SLC22A4: variants seen among roughly 807,000 people sequenced by gnomAD.
SLC22A4 encodes ET transporter.
In SLC22A4, 39 loss-of-function variants were observed where a neutral mutation model predicts 56.6. The observed-to-expected ratio is 0.69, with a 90% CI of 0.53 to 0.90. SLC22A4 has a LOEUF of 0.90. SLC22A4 is among the 40% of genes least tolerant of loss of function. The pLI, the probability that SLC22A4 is intolerant of heterozygous loss-of-function variation, is 0.00. For missense variants in SLC22A4, 594 were observed against 696.5 expected (o/e 0.85, Z 1.66); for synonymous variants, 241 against 281.4 (o/e 0.86, Z 1.44).
intron 5 of SLC22A4, among the ~76,000 whole-genome samples, chr5:132,327,929 T>A (rs936059180): frequency 1.3e-5 from 2 of 152,162 alleles, no homozygotes; most frequent in Non-Finnish European, 2.9e-5. Context: ...AAAGCTGATA[T>A]TCTGTGGAAG....
intron 1 of SLC22A4, among the ~76,000 whole-genome samples, chr5:132,299,640 G>A (rs920967339): frequency 6.6e-6 from 1 of 152,004 alleles, no homozygotes; most frequent in Admixed American, 6.6e-5. Context: ...TTTTAGTAGA[G>A]ACAGGGTTTC....
Position 132,312,197 on chromosome 5 carries a change from C to T in SLC22A4, c.430C>T (p.Leu144Phe). 6.2e-7 allele frequency: 1 copy of T among 1,613,398 alleles called. No homozygotes were observed. The highest frequency in any genetic ancestry group is 8.5e-7 in the Non-Finnish European group (1 of 1,179,318). ...LVCEDNWKVP[L>F]TTSLFFVGVL... is the part of the protein sequence containing the mutation. ...GTGTGAGGACAACTGGAAGGTGCCC[C>T]TCACCACCTCCCTGTTCTTCGTAGG... The change falls in exon 2 of 10, where the codon CTC becomes TTC. Residue 144 changes from leucine (L) to phenylalanine (F), a missense_variant. Physicochemically the swap from Leu to Phe is conservative, Grantham distance 22. Coordinates refer to ENST00000200652, the MANE Select transcript of SLC22A4 (RefSeq NM_003059.3).
chr5:132,323,637 C>A (rs1750603997), intron 4 of SLC22A4, among the ~76,000 whole-genome samples: 4 of 152,242 alleles, frequency 2.6e-5, no homozygotes, highest in Non-Finnish European at 5.9e-5. Flanking sequence ...CATAGCTGTG[C>A]CTCCAAGGAA....
At chr5:132,317,065 A>C (rs1277089427) in intron 3 of SLC22A4, among the ~76,000 whole-genome samples, 1 of 152,192 alleles carries the variant, frequency 6.6e-6, no homozygotes, top group Non-Finnish European at 1.5e-5. Flanking sequence ...GCTCAGAAAG[A>C]GGGAAAGCAA....
At chr5:132,330,068 T>C (rs902522205) in intron 5 of SLC22A4, among the ~76,000 whole-genome samples, 2 of 152,212 alleles carry the variant, frequency 1.3e-5, no homozygotes, top group African/African-American at 2.4e-5. Context: ...TTTGTTATAA[T>C]ACCAGGGTTA....
intron 5 of SLC22A4, 52 bp from the exon 6 acceptor site, chr5:132,331,704 A>T: frequency 7.9e-7 from 1 of 1,266,156 alleles, no homozygotes; most frequent in Non-Finnish European, 1.2e-6. Context: ...AGCCAAAGAT[A>T]CTTCCTTACT....
intron 1 of SLC22A4, among the ~76,000 whole-genome samples, chr5:132,307,561 T>C (rs1340952900): frequency 6.6e-6 from 1 of 152,214 alleles, no homozygotes; most frequent in African/African-American, 2.4e-5. Context: ...AATAAAATGC[T>C]CTACTAGTAT....
intron 5 of SLC22A4, 151 bp from the exon 6 acceptor site, chr5:132,331,605 T>G (rs543503980): frequency 7.0e-5 from 50 of 717,970 alleles, no homozygotes; most frequent in Non-Finnish European, 1.2e-4. Context: ...GTCATATATG[T>G]AGATGCCCTA....
chr5:132,307,397 T>C (rs1032892081), intron 1 of SLC22A4, among the ~76,000 whole-genome samples: 2 of 152,252 alleles, frequency 1.3e-5, no homozygotes, highest in African/African-American at 4.8e-5. Context: ...TTGAATTCCA[T>C]TTATCAAATC....
intron 1 of SLC22A4, among the ~76,000 whole-genome samples, chr5:132,306,387 ATATATATATATAT>A (rs1750033127): frequency 9.5e-5 from 2 of 21,160 alleles, no homozygotes; most frequent in African/African-American, 5.0e-4. Flanking sequence ...ACCGTGAAAT[ATATATATATATAT>A]ATATATATAT....
intron 1 of SLC22A4, among the ~76,000 whole-genome samples, chr5:132,306,608 G>C (rs1283487875): frequency 1.3e-5 from 2 of 150,670 alleles, no homozygotes; most frequent in Non-Finnish European, 3.0e-5. Context: ...ACCGTGCCCA[G>C]CTAATTTTTG....
chr5:132,335,818 AT>A lies in SLC22A4; in HGVS notation c.1264del (p.Tyr422IlefsTer75). 1 of 1,611,948 alleles carries A rather than the reference AT, an allele frequency of 6.2e-7. No homozygotes were observed. The highest frequency in any genetic ancestry group is 8.5e-7 in the Non-Finnish European group (1 of 1,177,976). ...VLLFIQLVPV[D>X]YYFLSIGLVM... ...TGTTTATACCGGGTCTCTTTTCCAG[AT>A]TATTACTTCTTATCCATTGGTCTGG... On this transcript the variant is annotated frameshift_variant and splice_region_variant, in exon 8 of 10. Transcript: ENST00000200652. LOFTEE classifies it high-confidence loss of function.
chr5:132,314,267 C>T (rs1750270576), intron 3 of SLC22A4, among the ~76,000 whole-genome samples: 1 of 152,188 alleles, frequency 6.6e-6, no homozygotes, highest in Non-Finnish European at 1.5e-5. Context: ...TGAGTTAGAG[C>T]CCACCCCAGA....
At chr5:132,315,574 T>C (rs1750325620) in intron 3 of SLC22A4, among the ~76,000 whole-genome samples, 1 of 152,150 alleles carries the variant, frequency 6.6e-6, no homozygotes, top group Non-Finnish European at 1.5e-5. Flanking sequence ...CACTATCATC[T>C]ACTCTCCTCC....
In SLC22A4 at chr5:132,332,221, G is replaced by A. The variant is rs556934466; in HGVS notation, c.1046+371G>A. On this transcript the variant is annotated intron_variant, in intron 6 of 9. Coordinates refer to ENST00000200652, the MANE Select transcript of SLC22A4 (RefSeq NM_003059.3). ...CCCAGCTACTTGGGAGGCTGAGGCAGGAGAATCACTTGAACCCAGGAGGTG... is the reference window on the plus strand; with the variant it reads ...CCCAGCTACTTGGGAGGCTGAGGCAAGAGAATCACTTGAACCCAGGAGGTG... The A allele has an allele frequency of 1.3e-5, 4 of 306,110 alleles. No individual in the cohort carries two copies. The East Asian group carries it at 3.3e-4, about 25-fold the overall frequency. The allele number at this position is 306,110 out of a possible 1,614,324, so 19.0% of individuals were successfully genotyped here.
intron 1 of SLC22A4, among the ~76,000 whole-genome samples, chr5:132,300,694 A>G (rs184102881): frequency 7.8e-4 from 119 of 152,334 alleles, no homozygotes; most frequent in African/African-American, 2.6e-3. Context: ...GAGAATGTAG[A>G]TATCCAGGGT....
rs759378491 is a variant in SLC22A4, at chr5:132,301,039, C to T, written c.393+6030C>T. On this transcript the variant is annotated intron_variant, in intron 1 of 9. Coordinates refer to ENST00000200652, the MANE Select transcript of SLC22A4 (RefSeq NM_003059.3). ...CCTGCGTGTGAGGAAACCCGGCAGC[C>T]TCCTGCCCTGAGGCTAAAGGAGCAG... Among the ~76,000 whole-genome samples the T allele has an allele frequency of 2.9e-4, 44 of 152,238 alleles. 1 individual carries two copies. The highest frequency in any genetic ancestry group is 6.2e-4 in the Non-Finnish European group (42 of 68,034).
At chr5:132,307,172 C>T (rs1259463157) in intron 1 of SLC22A4, among the ~76,000 whole-genome samples, 3 of 151,990 alleles carry the variant, frequency 2.0e-5, no homozygotes, top group South Asian at 4.1e-4. Context: ...TTTTGTTTTT[C>T]TTTGTTTTGT....
chr5:132,296,931 A>G (rs1489837234), intron 1 of SLC22A4, among the ~76,000 whole-genome samples: 2 of 152,210 alleles, frequency 1.3e-5, no homozygotes, highest in East Asian at 1.9e-4. Context: ...AAGGATGTAC[A>G]TCATCACACA....
Sources: allele counts gnomAD v4.1 joint callset (sites outside exome capture counted in the v4.1 genomes callset), GRCh38; gene constraint gnomAD v4.1.1; transcripts MANE v1.5; gene names NCBI Gene and HGNC (gene_info 2026-07-23, HGNC 2026-07-21).